EPHA5: variants seen among roughly 807,000 people sequenced by gnomAD.
EPHA5 encodes the protein EPH receptor A5.
Under a neutral mutation model 105.0 loss-of-function variants are expected in EPHA5, and 60 were observed. That is an observed-to-expected ratio of 0.57 (90% CI 0.46 to 0.71). EPHA5 has a LOEUF of 0.71. Among genes scored for constraint, EPHA5 ranks in the 30% least tolerant of loss-of-function variants. The pLI is 0.00. For synonymous variants in EPHA5, 513 were observed against 449.1 expected (o/e 1.14, Z -1.80); for missense variants, 1,218 against 1,274.7 (o/e 0.96, Z 0.68).
At chr4:65,604,750 A>G (rs978243404) in intron 2 of EPHA5, among the ~76,000 whole-genome samples, 5 of 151,596 alleles carry the variant, frequency 3.3e-5, no homozygotes, top group Middle Eastern at 3.4e-3. Context: ...AACCAAGAGG[A>G]TGAAGAGAAA....
intron 2 of EPHA5, among the ~76,000 whole-genome samples, chr4:65,626,944 A>G (rs1231381047): frequency 2.0e-5 from 3 of 152,196 alleles, no homozygotes; most frequent in Non-Finnish European, 4.4e-5. Flanking sequence ...CTCTCTAGCC[A>G]CAGCTTGCAA....
chr4:65,434,635 CCTTCCCTTTGCTCTTCCAAAGCA>C (rs1725301746), intron 5 of EPHA5, among the ~76,000 whole-genome samples: 1 of 151,934 alleles, frequency 6.6e-6, no homozygotes, highest in Non-Finnish European at 1.5e-5. Flanking sequence ...TAAATGCATC[CCTTCCCTTTGCTCTTCCAAAGCA>C]CTTCTCTATT....
chr4:65,586,515 C>T (rs1379679887), intron 3 of EPHA5, among the ~76,000 whole-genome samples: 1 of 151,816 alleles, frequency 6.6e-6, no homozygotes, highest in East Asian at 1.9e-4. Context: ...CATATCAGTG[C>T]TACAATATTC....
chr4:65,344,249 G>A (rs960909698), intron 14 of EPHA5, among the ~76,000 whole-genome samples: 1 of 152,108 alleles, frequency 6.6e-6, no homozygotes, highest in Non-Finnish European at 1.5e-5. Flanking sequence ...TTTTGCAAAT[G>A]AGATCACGTT....
At chr4:65,648,892 G>A (rs910975769) in intron 1 of EPHA5, among the ~76,000 whole-genome samples, 3 of 152,120 alleles carry the variant, frequency 2.0e-5, no homozygotes, top group Non-Finnish European at 4.4e-5. Flanking sequence ...CTGCTGCAGG[G>A]AACAAAGAAC....
At chr4:65,467,541 G>T (rs906661658) in intron 5 of EPHA5, among the ~76,000 whole-genome samples, 1 of 152,168 alleles carries the variant, frequency 6.6e-6, no homozygotes, top group Non-Finnish European at 1.5e-5. Flanking sequence ...GCCTGCTGCA[G>T]GTTGAAAGAC....
chr4:65,451,062 A>T (rs998207792), intron 5 of EPHA5, among the ~76,000 whole-genome samples: 11 of 152,130 alleles, frequency 7.2e-5, no homozygotes, highest in East Asian at 1.9e-4. Flanking sequence ...TACTTCAAAG[A>T]TTTACAAGCA....
chr4:65,409,979 G>A (rs868548001), intron 7 of EPHA5, among the ~76,000 whole-genome samples: 2 of 152,276 alleles, frequency 1.3e-5, no homozygotes, highest in Non-Finnish European at 1.5e-5. Flanking sequence ...AAATGATAGA[G>A]CCGTTTTGGA....
intron 3 of EPHA5, among the ~76,000 whole-genome samples, chr4:65,532,263 A>G (rs921753313): frequency 7.9e-5 from 12 of 152,118 alleles, no homozygotes; most frequent in African/African-American, 2.9e-4. Context: ...ATTTAATGTG[A>G]CTTTTAAAAT....
intron 14 of EPHA5, among the ~76,000 whole-genome samples, chr4:65,346,106 A>G (rs1019220740): frequency 1.5e-5 from 2 of 134,940 alleles, no homozygotes; most frequent in African/African-American, 2.8e-5. Flanking sequence ...TCTAATTTGT[A>G]GTTCTTTTAT....
At chr4:65,496,377 C>T (rs1405465840) in intron 3 of EPHA5, among the ~76,000 whole-genome samples, 1 of 121,858 alleles carries the variant, frequency 8.2e-6, no homozygotes, top group Non-Finnish European at 1.7e-5. Context: ...TATCCCTCCC[C>T]CCTCCCCCCA....
At chr4:65,407,598 A>G (rs367836763) in intron 7 of EPHA5, among the ~76,000 whole-genome samples, 1 of 151,888 alleles carries the variant, frequency 6.6e-6, no homozygotes. Flanking sequence ...GTCCTCTGAA[A>G]TCAGATCATT....
rs778883862 is a variant in EPHA5 at position 65,336,062 on chromosome 4, A to G, written c.2659T>C (p.Tyr887His). The G allele has an allele frequency of 4.5e-5, 72 of 1,613,206 alleles. No homozygotes were observed. Among genetic ancestry groups the G allele is most frequent in the Non-Finnish European group, 5.8e-5 (68 of 1,179,582 alleles). Residue 887 changes from tyrosine (Y) to histidine (H), a missense_variant, in exon 15 of 17, where the codon TAT becomes CAT. Physicochemically the swap from Tyr to His is moderately conservative, Grantham distance 83. Around this residue, in one of 3 missense-constraint regions of EPHA5, gnomAD observed 971 missense variants for 1,013.5 expected, o/e 0.96. Transcript: ENST00000613740. ...TGCCAGCAATCCAGCATTAACTGAT[A>G]GAGAGCAGCAGGACAATCCATGGGG... ...PSPMDCPAALYQLMLDCWQKE... is the reference protein window; with the variant it reads ...PSPMDCPAALHQLMLDCWQKE...
chr4:65,467,815 C>A (rs1253450090), intron 5 of EPHA5, among the ~76,000 whole-genome samples: 1 of 151,918 alleles, frequency 6.6e-6, no homozygotes, highest in South Asian at 2.1e-4. Flanking sequence ...TCTGGGTGGG[C>A]CCAATGTAAT....
Position 65,505,003 on chromosome 4 carries a change from C to T in EPHA5, c.911-9460G>A, listed in dbSNP as rs377085439. Among the ~76,000 whole-genome samples the T allele has an allele frequency of 7.9e-5, 12 of 152,020 alleles. 1 individual carries two copies. The highest frequency in any genetic ancestry group is 2.9e-4 in the African/African-American group (12 of 41,486). On this transcript the variant is annotated intron_variant, in intron 3 of 16. Coordinates refer to ENST00000613740, the MANE Select transcript of EPHA5 (RefSeq NM_001281766.3). ...GTGAATTAGTTAAGAAATAAGAGTA[C>T]TTCAATAATAGTGTGTATAAGGGTA... is the stretch of plus-strand genomic sequence containing the variant.
intron 5 of EPHA5, among the ~76,000 whole-genome samples, chr4:65,486,171 C>G (rs371955885): frequency 4.6e-5 from 7 of 151,920 alleles, no homozygotes; most frequent in Non-Finnish European, 7.4e-5. Flanking sequence ...GTTCGAAGTT[C>G]CTCCCCTCAT....
In EPHA5 at chr4:65,507,237, G is replaced by T. The variant is rs548497374; in HGVS notation, c.911-11694C>A. On this transcript the variant is annotated intron_variant, in intron 3 of 16. Coordinates refer to ENST00000613740, the MANE Select transcript of EPHA5 (RefSeq NM_001281766.3). ...TTCCATTGGTCTATATCTCTGTTTT[G>T]GTACCAGTACCATGCTGTTTTGGTT... is the stretch of plus-strand genomic sequence containing the variant. 3.9e-5 allele frequency among the ~76,000 whole-genome samples: 6 copies of T among 152,062 alleles called. No individual in the cohort carries two copies. The East Asian group carries it at 1.2e-3, about 30-fold the overall frequency.
intron 3 of EPHA5, among the ~76,000 whole-genome samples, chr4:65,600,586 G>A (rs998693163): frequency 4.6e-5 from 7 of 152,132 alleles, no homozygotes; most frequent in Non-Finnish European, 8.8e-5. Context: ...AAATGAGGAA[G>A]TCTGATTCAT....
In EPHA5 at chr4:65,356,509, T is replaced by A. The variant is rs552298589; in HGVS notation, c.2174-3406A>T. ...GGGGAAAAAAAGGGAGATGGGCACC[T>A]GGTATTCATCCTGTAGGATTTTTCA... On this transcript the variant is annotated intron_variant, in intron 11 of 16. Coordinates refer to ENST00000613740, the MANE Select transcript of EPHA5 (RefSeq NM_001281766.3). Among the ~76,000 whole-genome samples the A allele has an allele frequency of 2.0e-5, 3 of 151,672 alleles. No homozygotes were observed. In the East Asian group the frequency reaches 5.8e-4, roughly 30 times the overall value.
Sources: gnomAD v4.1 joint callset for allele counts (sites outside exome capture counted in the v4.1 genomes callset) on GRCh38, gnomAD v4.1.1 for gene constraint, gnomAD v4.1.1 regional missense constraint, MANE v1.5 for transcripts, NCBI Gene and HGNC (gene_info 2026-07-23, HGNC 2026-07-21) for gene names.